The following USH2A variants were observed in gnomAD, a reference collection of about 807,000 sequenced individuals.
USH2A encodes usherin.
Under a neutral mutation model 538.9 loss-of-function variants are expected in USH2A, and 443 were observed. The ratio of observed to expected loss-of-function variants is 0.82; its 90% CI spans 0.76 to 0.89. The LOEUF (loss-of-function observed/expected upper bound fraction) is 0.89. Ranked by LOEUF, USH2A falls within the 40% of genes least tolerant of loss-of-function variation. The probability of loss-of-function intolerance (pLI) is 0.00; values close to 1 mark genes in which losing one functional copy is unlikely to be tolerated. For missense variants in USH2A, 6,633 were observed against 6,324.8 expected, an observed-to-expected ratio of 1.05 and a Z score of -1.65; for synonymous variants, 2,413 against 2,273.5, an observed-to-expected ratio of 1.06 and a Z score of -1.75.
chr1:216,270,411 T>C (rs778769348), intron 11 of USH2A, among the ~76,000 whole-genome samples: 2 of 152,166 alleles, frequency 1.3e-5, no homozygotes, highest in African/African-American at 2.4e-5. Flanking sequence ...CATATATTCT[T>C]CAGAAAATTC....
chr1:215,859,098 G>A (rs1239719421), intron 44 of USH2A, among the ~76,000 whole-genome samples: 1 of 152,078 alleles, frequency 6.6e-6, no homozygotes, highest in Non-Finnish European at 1.5e-5. Context: ...GAGCCTGTGT[G>A]CTAACTTATG....
intron 9 of USH2A, among the ~76,000 whole-genome samples, chr1:216,311,912 T>C (rs1462999608): frequency 6.6e-6 from 1 of 152,166 alleles, no homozygotes; most frequent in Non-Finnish European, 1.5e-5. Flanking sequence ...ATTGTTCTTA[T>C]TATAATTTTG....
rs1553261469 is a variant in USH2A, at chr1:215,782,908, T to C, written c.10415A>G (p.Tyr3472Cys). ...GTTCCAGGCAGAAATCCTGTACTCA[T>C]ATGTCATGTAGGGCTTGAGGTTCAC... ...TDVNLKPYMTYEYRISAWNSY... is the reference protein window; with the variant it reads ...TDVNLKPYMTCEYRISAWNSY... The change falls in exon 53 of 72, where the codon TAT (tyrosine) becomes TGT (cysteine). Residue 3472 changes from tyrosine to cysteine, a missense_variant. Physicochemically the swap from Tyr to Cys is radical, Grantham distance 194. Coordinates refer to ENST00000307340, the MANE Select transcript of USH2A (RefSeq NM_206933.4). 1 of 1,613,688 alleles carries C rather than the reference T, an allele frequency of 6.2e-7. No individual in the cohort carries two copies. Among genetic ancestry groups the C allele is most frequent in the Non-Finnish European group, 8.5e-7 (1 of 1,179,788 alleles).
At chr1:216,364,867 A>C in intron 4 of USH2A, 86 bp downstream of exon 4, 1 of 1,539,360 alleles carries the variant, frequency 6.5e-7, no homozygotes, top group East Asian at 2.3e-5. Context: ...ATACACGTAG[A>C]TATTTTAAAA....
Position 216,004,291 on chromosome 1 carries a change from T to G in USH2A, c.6326-3729A>C, listed in dbSNP as rs183327091. Among the ~76,000 whole-genome samples, 157 of 152,116 alleles carry G rather than the reference T, an allele frequency of 1.0e-3. 1 individual carries two copies. Among genetic ancestry groups the G allele is most frequent in the African/African-American group, 3.6e-3 (150 of 41,498 alleles). ...GCTAGGAGTGCAAACGGAGTGAGAA[T>G]AGATATAAAAGAGAAAACCCTGGGA... On this transcript the variant is annotated intron_variant, in intron 32 of 71. Transcript: ENST00000307340.
chr1:215,784,427 T>C (rs1230031074), intron 52 of USH2A, among the ~76,000 whole-genome samples: 2 of 152,194 alleles, frequency 1.3e-5, no homozygotes, highest in Non-Finnish European at 2.9e-5. Context: ...TTATTCTGTA[T>C]CCTCAAGCCC....
At chr1:216,211,812 C>G (rs183080553) in intron 15 of USH2A, among the ~76,000 whole-genome samples, 1 of 151,586 alleles carries the variant, frequency 6.6e-6, no homozygotes, top group Non-Finnish European at 1.5e-5. Context: ...TCACTTTGAT[C>G]GGTTGAACAC....
chr1:215,766,680 C>T lies in USH2A; in HGVS notation c.11047+1G>A, dbSNP rs201730567. Reference sequence around the variant, plus strand: ...TCAAACCATGGATATTGTTTCATTACCTTCAGGAGCTGCCTGCAGTGTCTG... The same window carrying T: ...TCAAACCATGGATATTGTTTCATTATCTTCAGGAGCTGCCTGCAGTGTCTG... On this transcript the variant is annotated splice_donor_variant, in intron 56 of 71. Coordinates refer to ENST00000307340, the MANE Select transcript of USH2A (RefSeq NM_206933.4). LOFTEE classifies it high-confidence loss of function. The T allele has an allele frequency of 8.1e-6, 13 of 1,612,640 alleles. No homozygotes were observed. The highest frequency in any genetic ancestry group is 1.3e-5 in the African/African-American group (1 of 74,868).
At chr1:215,911,640 G>T (rs1665786063) in intron 38 of USH2A, among the ~76,000 whole-genome samples, 1 of 151,910 alleles carries the variant, frequency 6.6e-6, no homozygotes, top group Non-Finnish European at 1.5e-5. Flanking sequence ...TCCAAATCTT[G>T]GCTATTGTAA....
chr1:216,291,491 C>T (rs2037001340), intron 10 of USH2A, among the ~76,000 whole-genome samples: 1 of 152,126 alleles, frequency 6.6e-6, no homozygotes, highest in African/African-American at 2.4e-5. Flanking sequence ...GTCCCCAGCA[C>T]CTACCCAAGA....
rs185866594 is a variant in USH2A, at chr1:216,028,163, G to A, written c.6325+18268C>T. Among the ~76,000 whole-genome samples the A allele has an allele frequency of 4.7e-4, 71 of 152,166 alleles. 1 individual carries two copies. The highest frequency in any genetic ancestry group is 1.5e-3 in the African/African-American group (64 of 41,542). On this transcript the variant is annotated intron_variant, in intron 32 of 71. Transcript: ENST00000307340. ...AGCACTTTGGGAAGCCAAGGTGGGC[G>A]GAATACTTGAGGTCAGGAGTTCGAG...
intron 3 of USH2A, among the ~76,000 whole-genome samples, chr1:216,404,390 A>G (rs551537317): frequency 1.4e-3 from 206 of 152,230 alleles, no homozygotes; most frequent in Non-Finnish European, 2.5e-3. Flanking sequence ...TCGCTCTACT[A>G]GATATTATAG....
chr1:216,060,214 C>T (rs116638323), intron 30 of USH2A, among the ~76,000 whole-genome samples: 18 of 152,284 alleles, frequency 1.2e-4, no homozygotes, highest in African/African-American at 3.1e-4. Context: ...AGGTAAAATG[C>T]AAATTGCTAA....
chr1:216,175,000 C>T, intron 21 of USH2A: 2 of 1,319,934 alleles, frequency 1.5e-6, no homozygotes, highest in South Asian at 3.1e-5. Context: ...ATACAAAGCA[C>T]ATACTTTGAT....
intron 32 of USH2A, among the ~76,000 whole-genome samples, chr1:216,026,251 C>A (rs1668961900): frequency 6.6e-6 from 1 of 152,084 alleles, no homozygotes; most frequent in Non-Finnish European, 1.5e-5. Context: ...TATGCACCAA[C>A]CTTGTGGTTG....
At chr1:215,757,539 T>C (rs1323237999) in intron 58 of USH2A, among the ~76,000 whole-genome samples, 1 of 152,208 alleles carries the variant, frequency 6.6e-6, no homozygotes, top group African/African-American at 2.4e-5. Context: ...AAAGGGCGTG[T>C]CACAATTTCA....
chr1:216,327,309 T>C (rs1224288258), intron 5 of USH2A, among the ~76,000 whole-genome samples: 1 of 152,150 alleles, frequency 6.6e-6, no homozygotes, highest in Non-Finnish European at 1.5e-5. Flanking sequence ...AATTTAAGCA[T>C]TGTATCCCAA....
At chr1:216,135,061 T>C (rs1273166062) in intron 21 of USH2A, among the ~76,000 whole-genome samples, 1 of 151,288 alleles carries the variant, frequency 6.6e-6, no homozygotes, top group African/African-American at 2.4e-5. Flanking sequence ...AAGATGGGAG[T>C]AGCAGTTGTA....
intron 32 of USH2A, among the ~76,000 whole-genome samples, chr1:216,011,883 C>A (rs143574944): frequency 0.016 from 2,443 of 151,490 alleles, 132 homozygotes; most frequent in Admixed American, 0.11. Flanking sequence ...ACACCTGACA[C>A]CCAAGACTGT....
Sources: allele counts gnomAD v4.1 joint callset (sites outside exome capture counted in the v4.1 genomes callset), GRCh38; gene constraint gnomAD v4.1.1; transcripts MANE v1.5; gene names NCBI Gene and HGNC (gene_info 2026-07-23, HGNC 2026-07-21).